The following PCDH7 variants were observed in gnomAD, a reference collection of about 807,000 sequenced individuals.
PCDH7 encodes protocadherin-7.
A neutral mutation model predicts 58.9 loss-of-function variants in PCDH7; 17 were observed. That is an observed-to-expected ratio of 0.29 (90% CI 0.20 to 0.43). The LOEUF (loss-of-function observed/expected upper bound fraction) is 0.43, where lower values mean the gene tolerates loss of function less well. Ranked by LOEUF, PCDH7 falls within the 20% of genes least tolerant of loss-of-function variation. The probability of loss-of-function intolerance (pLI) is 1.00; values close to 1 mark genes in which losing one functional copy is unlikely to be tolerated. For missense variants in PCDH7, 1,274 were observed against 1,441.0 expected (o/e 0.88, Z 1.88); for synonymous variants, 664 against 616.4 (o/e 1.08, Z -1.14).
intron 3 of PCDH7, among the ~76,000 whole-genome samples, chr4:31,025,761 T>G (rs887145647): frequency 6.6e-6 from 1 of 152,212 alleles, no homozygotes; most frequent in Non-Finnish European, 1.5e-5. Context: ...AGCCTAGTGA[T>G]TTTTAATTAA....
downstream of PCDH7, chr4:31,145,973 A>G (rs1208438950): frequency 1.3e-5 from 2 of 152,074 alleles, no homozygotes; most frequent in African/African-American, 2.4e-5. Flanking sequence ...ATACATTAGG[A>G]CACATTTATA....
At chr4:30,834,496 ACT>A (rs564526000) in intron 1 of PCDH7, among the ~76,000 whole-genome samples, 1 of 151,892 alleles carries the variant, frequency 6.6e-6, no homozygotes, top group Non-Finnish European at 1.5e-5. Flanking sequence ...GAACCACTTC[ACT>A]CTCCTGCTTA....
intron 3 of PCDH7, among the ~76,000 whole-genome samples, chr4:31,061,966 A>T (rs550041146): frequency 2.0e-5 from 3 of 151,638 alleles, no homozygotes; most frequent in Non-Finnish European, 4.4e-5. Context: ...GAAACACTCT[A>T]CTTTATGATG....
chr4:30,967,972 G>A (rs1271551853), intron 3 of PCDH7, among the ~76,000 whole-genome samples: 1 of 152,006 alleles, frequency 6.6e-6, no homozygotes, highest in Non-Finnish European at 1.5e-5. Flanking sequence ...ACTAAGCCTT[G>A]TGAGTAGAGG....
intron 1 of PCDH7, among the ~76,000 whole-genome samples, chr4:30,802,659 G>C (rs1055680690): frequency 6.6e-6 from 1 of 152,076 alleles, no homozygotes; most frequent in African/African-American, 2.4e-5. Context: ...ACAACTGATA[G>C]GCTCAATATT....
chr4:30,948,141 T>C (rs1415381791), intron 2 of PCDH7, among the ~76,000 whole-genome samples: 2 of 152,084 alleles, frequency 1.3e-5, no homozygotes, highest in Non-Finnish European at 2.9e-5. Flanking sequence ...ATATTTACTT[T>C]TTATAGTTTC....
intron 3 of PCDH7, among the ~76,000 whole-genome samples, chr4:31,103,202 T>C (rs1715118458): frequency 6.6e-6 from 1 of 152,192 alleles, no homozygotes; most frequent in Non-Finnish European, 1.5e-5. Context: ...TCAAATAATT[T>C]TATACATTTG....
chr4:31,013,468 T>G (rs188686773), intron 3 of PCDH7, among the ~76,000 whole-genome samples: 10 of 150,366 alleles, frequency 6.7e-5, no homozygotes, highest in African/African-American at 1.7e-4. Context: ...ATATAATATG[T>G]GCATATATAA....
At chr4:31,042,290 C>T (rs1293390901) in intron 3 of PCDH7, among the ~76,000 whole-genome samples, 3 of 152,128 alleles carry the variant, frequency 2.0e-5, no homozygotes, top group Non-Finnish European at 4.4e-5. Context: ...ATTAGAGTAA[C>T]AGCAGTGAGT....
chr4:30,799,195 G>A lies in PCDH7; in HGVS notation c.70+74599G>A, dbSNP rs538991813. On this transcript the variant is annotated intron_variant, in intron 1 of 3. Coordinates refer to the PCDH7 transcript ENST00000509759. ...GCTTCTGCCTGGATGTTTTCTGTCT[G>A]ATCTTTGACTTGCAATCAAGAAAAT... Among the ~76,000 whole-genome samples, 9 of 152,208 alleles carry A rather than the reference G, an allele frequency of 5.9e-5. No homozygotes were observed. In the South Asian group the frequency reaches 1.7e-3, roughly 28 times the overall value.
chr4:30,759,812 G>T (rs1719791134), intron 1 of PCDH7, among the ~76,000 whole-genome samples: 1 of 152,058 alleles, frequency 6.6e-6, no homozygotes, highest in African/African-American at 2.4e-5. Flanking sequence ...TGCCACCATT[G>T]TATTTGTAAT....
intron 1 of PCDH7, among the ~76,000 whole-genome samples, chr4:30,872,793 G>C (rs1165036211): frequency 6.6e-6 from 1 of 151,946 alleles, no homozygotes; most frequent in African/African-American, 2.4e-5. Context: ...TTGATCTTGG[G>C]CATGTTCCTT....
intron 1 of PCDH7, among the ~76,000 whole-genome samples, chr4:30,821,998 A>G (rs974018406): frequency 1.3e-5 from 2 of 152,164 alleles, no homozygotes; most frequent in Non-Finnish European, 2.9e-5. Flanking sequence ...AGATAAATTG[A>G]GTTAAGCCCT....
rs543190994 is a variant in PCDH7, at chr4:31,029,617, T to C, written c.*7+79402T>C. 3.9e-5 allele frequency among the ~76,000 whole-genome samples: 6 copies of C among 152,314 alleles called. No individual in the cohort carries two copies. The South Asian group carries it at 1.2e-3, about 32-fold the overall frequency. ...AGGAAGTTTATAGAGGACTTTGAAG[T>C]CAGACATACTTGGGTTTGCACATTA... On this transcript the variant is annotated intron_variant, in intron 3 of 3. Transcript: ENST00000509759.
intron 3 of PCDH7, among the ~76,000 whole-genome samples, chr4:31,079,351 T>TATATATATATATATAG (rs1759302779): frequency 1.2e-5 from 1 of 83,504 alleles, no homozygotes; most frequent in Admixed American, 1.2e-4. Context: ...TATATATATA[T>TATATATATATATATAG]ATATATATAT....
At chr4:30,964,783 T>TAAA (rs1748853419) in intron 3 of PCDH7, among the ~76,000 whole-genome samples, 1 of 152,150 alleles carries the variant, frequency 6.6e-6, no homozygotes, top group Non-Finnish European at 1.5e-5. Context: ...ATGTACAAAC[T>TAAA]AAAAAGTCCT....
intron 1 of PCDH7, among the ~76,000 whole-genome samples, chr4:30,792,537 C>T (rs1212707457): frequency 6.6e-6 from 1 of 151,842 alleles, no homozygotes; most frequent in Non-Finnish European, 1.5e-5. Flanking sequence ...TTTTGAAGTT[C>T]TAATGAAGAG....
At chr4:30,955,866 A>T (rs1044790809) in intron 3 of PCDH7, among the ~76,000 whole-genome samples, 4 of 151,858 alleles carry the variant, frequency 2.6e-5, no homozygotes, top group Admixed American at 2.6e-4. Flanking sequence ...TTGTTAAAGG[A>T]CCTCATAAGA....
At chr4:31,142,424 C>A (rs752475858) in intron 3 of PCDH7, 49 bp from the exon 3 acceptor site, 38 of 1,308,036 alleles carry the variant, frequency 2.9e-5, no homozygotes, top group South Asian at 1.3e-4. Context: ...ATCAGGGGAG[C>A]CTGTTGAGGA....
Sources: gnomAD v4.1 joint callset for allele counts (sites outside exome capture counted in the v4.1 genomes callset) on GRCh38, gnomAD v4.1.1 for gene constraint, MANE v1.5 for transcripts, NCBI Gene and HGNC (gene_info 2026-07-23, HGNC 2026-07-21) for gene names.